PI4K2B: variants seen among roughly 807,000 people sequenced by gnomAD.
The protein encoded by PI4K2B is phosphatidylinositol 4-kinase type 2-beta.
Under a neutral mutation model 56.6 loss-of-function variants are expected in PI4K2B, and 46 were observed. The observed-to-expected ratio is 0.81, with a 90% CI of 0.64 to 1.04. The LOEUF is 1.04. Ranked by LOEUF, PI4K2B falls within the 50% of genes least tolerant of loss-of-function variation. The probability of loss-of-function intolerance (pLI) is 0.00; values close to 1 mark genes in which losing one functional copy is unlikely to be tolerated. For synonymous variants in PI4K2B, 211 were observed against 223.8 expected, an observed-to-expected ratio of 0.94 and a Z score of 0.51; for missense variants, 556 against 607.7, an observed-to-expected ratio of 0.91 and a Z score of 0.89.
At chr4:25,274,712 A>G (rs1224596172) in intron 9 of PI4K2B, among the ~76,000 whole-genome samples, 1 of 152,184 alleles carries the variant, frequency 6.6e-6, no homozygotes, top group African/African-American at 2.4e-5. Flanking sequence ...AAGAAATATT[A>G]ATAGGTTAAT....
intron 1 of PI4K2B, among the ~76,000 whole-genome samples, chr4:25,236,619 A>G (rs1715274006): frequency 6.6e-6 from 1 of 152,196 alleles, no homozygotes; most frequent in South Asian, 2.1e-4. Flanking sequence ...TATTCTCATT[A>G]TGAGGATTCA....
chr4:25,276,820 CGT>C (rs891793056), intron 9 of PI4K2B, 192 bp from the exon 10 acceptor site: 5 of 799,500 alleles, frequency 6.3e-6, no homozygotes, highest in Non-Finnish European at 7.5e-6. Context: ...TGTGTGTGCG[CGT>C]GTGTGTGTGC....
chr4:25,275,958 T>C (rs1350921430), intron 9 of PI4K2B, among the ~76,000 whole-genome samples: 1 of 152,086 alleles, frequency 6.6e-6, no homozygotes, highest in East Asian at 1.9e-4. Context: ...AGTCAATCAA[T>C]CAATCAATCA....
intron 6 of PI4K2B, 37 bp from the exon 7 acceptor site, chr4:25,263,713 G>T: frequency 5.4e-6 from 4 of 735,754 alleles, no homozygotes; most frequent in South Asian, 1.8e-5. Flanking sequence ...TATTTATATA[G>T]GTTCTTTTAT....
At chr4:25,243,000 A>G (rs1027254688) in intron 1 of PI4K2B, among the ~76,000 whole-genome samples, 1 of 152,230 alleles carries the variant, frequency 6.6e-6, no homozygotes, top group Non-Finnish European at 1.5e-5. Context: ...AAGTCTCCCA[A>G]TTACAACTGA....
rs183123388 is a variant in PI4K2B, at chr4:25,246,015, G to A, written c.269-6306G>A. ...AGTTCTTAAACGCAGTGTGTCCGGA[G>A]TTTGTTCCTTCTGATGTTCGGATGT... On this transcript the variant is annotated intron_variant, in intron 1 of 9. Coordinates refer to ENST00000264864, the MANE Select transcript of PI4K2B (RefSeq NM_018323.4). Among the ~76,000 whole-genome samples, 11 of 152,230 alleles carry A rather than the reference G, an allele frequency of 7.2e-5. No homozygotes were observed. The East Asian group carries it at 2.1e-3, about 29-fold the overall frequency.
intron 3 of PI4K2B, 54 bp downstream of exon 3, chr4:25,255,319 T>C: frequency 7.1e-7 from 1 of 1,404,182 alleles, no homozygotes; most frequent in Non-Finnish European, 1.0e-6. Flanking sequence ...CCTGCTTATA[T>C]CTGAATATTT....
intron 1 of PI4K2B, among the ~76,000 whole-genome samples, chr4:25,240,270 G>A (rs1362886309): frequency 6.6e-6 from 1 of 152,218 alleles, no homozygotes; most frequent in African/African-American, 2.4e-5. Flanking sequence ...AGAAGGTGCA[G>A]AGTCCTTTCT....
In PI4K2B at chr4:25,269,374, C is replaced by T. The variant is rs545920952; in HGVS notation, c.1272+171C>T. Among the ~76,000 whole-genome samples the T allele has an allele frequency of 2.4e-4, 37 of 152,308 alleles. No individual in the cohort carries two copies. In the South Asian group the frequency reaches 7.7e-3, roughly 32 times the overall value. On this transcript the variant is annotated intron_variant, in intron 9 of 9. Coordinates refer to ENST00000264864, the MANE Select transcript of PI4K2B (RefSeq NM_018323.4). ...TGATTCGGCCGACTGCAGTGGCTCACGCCTGTAATCCCAGTGCTTTGGGAG... is the reference window on the plus strand; with the variant it reads ...TGATTCGGCCGACTGCAGTGGCTCATGCCTGTAATCCCAGTGCTTTGGGAG...
chr4:25,252,235 C>G (rs1377273021), intron 1 of PI4K2B, 86 bp from the exon 2 acceptor site: 12 of 854,402 alleles, frequency 1.4e-5, no homozygotes, highest in Non-Finnish European at 1.6e-5. Flanking sequence ...TTTTTCTGTA[C>G]CTTATATCCT....
chr4:25,276,861 A>G lies in PI4K2B; in HGVS notation c.1273-153A>G, dbSNP rs1042235771. ...TGTGTGTGTAAACATACATTCATAT[A>G]ATACATATTTATAACAGGTACTTAT... is the stretch of plus-strand genomic sequence containing the variant. On this transcript the variant is annotated intron_variant, in intron 9 of 9. Coordinates refer to ENST00000264864, the MANE Select transcript of PI4K2B (RefSeq NM_018323.4). 6 of 984,992 alleles carry G rather than the reference A, an allele frequency of 6.1e-6. No homozygotes were observed. In the South Asian group the frequency reaches 2.4e-4, roughly 39 times the overall value. 61.0% of individuals were successfully genotyped at this position (984,992 alleles called of 1,614,324 possible). A position where few individuals can be genotyped will look rare whatever the true frequency, so the allele number is the denominator to read the frequency against.
chr4:25,243,519 C>G (rs901469882), intron 1 of PI4K2B, among the ~76,000 whole-genome samples: 6 of 152,190 alleles, frequency 3.9e-5, no homozygotes, highest in African/African-American at 1.4e-4. Flanking sequence ...GGGCCCGTTC[C>G]TTTTGGTCCC....
chr4:25,274,027 G>A (rs1481164550), intron 9 of PI4K2B, among the ~76,000 whole-genome samples: 5 of 151,906 alleles, frequency 3.3e-5, no homozygotes, highest in South Asian at 2.1e-4. Flanking sequence ...CAACATCCAC[G>A]TCAGTCTTCC....
At chr4:25,260,782 T>C (rs1229990598) in intron 6 of PI4K2B, among the ~76,000 whole-genome samples, 191 bp downstream of exon 6, 1 of 150,794 alleles carries the variant, frequency 6.6e-6, no homozygotes, top group South Asian at 2.1e-4. Flanking sequence ...TTCTTTCACT[T>C]AATCCTTGGT....
chr4:25,275,658 C>CA (rs1296861998), intron 9 of PI4K2B, among the ~76,000 whole-genome samples: 3 of 150,490 alleles, frequency 2.0e-5, no homozygotes, highest in Non-Finnish European at 4.4e-5. Flanking sequence ...GACCCTGTCT[C>CA]AAAAACAAAA....
intron 1 of PI4K2B, among the ~76,000 whole-genome samples, chr4:25,249,336 A>T (rs1436811432): frequency 6.6e-6 from 1 of 152,122 alleles, no homozygotes; most frequent in African/African-American, 2.4e-5. Context: ...TACACCTCCC[A>T]GACAGGGTGG....
intron 2 of PI4K2B, among the ~76,000 whole-genome samples, chr4:25,253,475 A>G (rs1484715650): frequency 2.0e-5 from 3 of 152,240 alleles, no homozygotes; most frequent in East Asian, 3.8e-4. Flanking sequence ...ATTTTAAAGC[A>G]TAGTCCCTTT....
In PI4K2B at chr4:25,256,638, G is replaced by C; in HGVS notation, c.720G>C (p.Val240=). The stretch of plus-strand genomic sequence containing the variant: ...ATGCTTTAGAAAAAGTGCCAAAAGT[G>C]GGTAGAAAGTTTCATAGGATAGGAC... The part of the protein sequence containing the change: ...KKYALEKVPK[V]GRKFHRIGLP... The change falls in exon 4 of 10, where the codon GTG becomes GTC. Residue 240 remains valine, a synonymous_variant. Transcript: ENST00000264864. 6.2e-7 allele frequency: 1 copy of C among 1,613,736 alleles called. No individual in the cohort carries two copies. The highest frequency in any genetic ancestry group is 8.5e-7 in the Non-Finnish European group (1 of 1,179,860).
At position 25,260,575 on chromosome 4, in the gene PI4K2B, AG is replaced by A. The variant is rs1716421919; in HGVS notation, c.964del (p.Glu322LysfsTer19). The A allele has an allele frequency of 1.5e-6, 2 of 1,353,460 alleles. No individual in the cohort carries two copies. Among genetic ancestry groups the A allele is most frequent in the African/African-American group, 1.5e-5 (1 of 65,890 alleles). The allele number at this position is 1,353,460 out of a possible 1,614,324, so 83.8% of individuals were successfully genotyped here. On this transcript the variant is annotated frameshift_variant, in exon 6 of 10. Transcript: ENST00000264864. LOFTEE classifies it high-confidence loss of function. ...LVRYEKQKCE[K>X]EIDHKESKWI... ...AGATACGAAAAGCAGAAATGTGAAAAGGAAATTGACCATAAGGTAAGGAAAT... is the reference window on the plus strand; with the variant it reads ...AGATACGAAAAGCAGAAATGTGAAAAGAAATTGACCATAAGGTAAGGAAAT...
Sources: allele counts gnomAD v4.1 joint callset (sites outside exome capture counted in the v4.1 genomes callset), GRCh38; gene constraint gnomAD v4.1.1; transcripts MANE v1.5; gene names NCBI Gene and HGNC (gene_info 2026-07-23, HGNC 2026-07-21).